Variants in PPARGC1B observed in about 807,000 individuals in gnomAD.
The protein encoded by PPARGC1B is PPARG coactivator 1 beta.
A neutral mutation model predicts 101.6 loss-of-function variants in PPARGC1B; 34 were observed. That is an observed-to-expected ratio of 0.33 (90% CI 0.25 to 0.45). The LOEUF (loss-of-function observed/expected upper bound fraction) is 0.45. Ranked by LOEUF, PPARGC1B falls within the 20% of genes least tolerant of loss-of-function variation. The probability of loss-of-function intolerance (pLI) is 1.00; values close to 1 mark genes in which losing one functional copy is unlikely to be tolerated. For synonymous variants in PPARGC1B, 548 were observed against 539.3 expected, an observed-to-expected ratio of 1.02 and a Z score of -0.22; for missense variants, 1,234 against 1,317.6, an observed-to-expected ratio of 0.94 and a Z score of 0.98.
chr5:149,764,410 T>C (rs1755830829), intron 1 of PPARGC1B, among the ~76,000 whole-genome samples: 2 of 152,084 alleles, frequency 1.3e-5, no homozygotes, highest in African/African-American at 4.8e-5. Context: ...GGAGAGTTGG[T>C]TAGAGATGTG....
chr5:149,843,785 A>G (rs955473614), intron 10 of PPARGC1B, among the ~76,000 whole-genome samples: 4 of 152,252 alleles, frequency 2.6e-5, no homozygotes, highest in African/African-American at 7.2e-5. Flanking sequence ...TATGGTTTCT[A>G]TACATAGAGT....
In PPARGC1B at chr5:149,840,187, C is replaced by T. The variant is rs370807047; in HGVS notation, c.2694+71C>T. On this transcript the variant is annotated intron_variant, in intron 9 of 11. Coordinates refer to ENST00000309241, the MANE Select transcript of PPARGC1B (RefSeq NM_133263.4). ...AGGAAGTGTGTGGGGGCTTCATGGA[C>T]CAAAGCCTTTTGAGGCTGGCTGGTG... is the stretch of plus-strand genomic sequence containing the variant. 1.5e-4 allele frequency: 215 copies of T among 1,455,498 alleles called. 1 individual carries two copies. The African/African-American group carries it at 2.6e-3, about 17-fold the overall frequency. The allele number at this position is 1,455,498 out of a possible 1,614,324, so 90.2% of individuals were successfully genotyped here. A position where few individuals can be genotyped will look rare whatever the true frequency, so the allele number is the denominator to read the frequency against.
chr5:149,757,761 G>A (rs1169431440), intron 1 of PPARGC1B, among the ~76,000 whole-genome samples: 1 of 152,326 alleles, frequency 6.6e-6, no homozygotes, highest in East Asian at 1.9e-4. Context: ...AATTGGAAAG[G>A]CGGGGCCCCT....
At chr5:149,830,695 G>T in intron 3 of PPARGC1B, 72 bp from the exon 4 acceptor site, 1 of 1,118,574 alleles carries the variant, frequency 8.9e-7, no homozygotes. Flanking sequence ...AGTCCTGAGG[G>T]GCTGGCCATG....
chr5:149,770,949 A>G (rs559825545), intron 1 of PPARGC1B, among the ~76,000 whole-genome samples: 1 of 152,308 alleles, frequency 6.6e-6, no homozygotes, highest in South Asian at 2.1e-4. Flanking sequence ...TGTGACACAA[A>G]ATTATTACAG....
intron 1 of PPARGC1B, among the ~76,000 whole-genome samples, chr5:149,744,635 A>G (rs1387781358): frequency 6.6e-6 from 1 of 152,208 alleles, no homozygotes; most frequent in Non-Finnish European, 1.5e-5. Flanking sequence ...ATTCCAAGTT[A>G]TTTATAAAGT....
At chr5:149,800,550 C>T (rs1031830654) in intron 1 of PPARGC1B, among the ~76,000 whole-genome samples, 2 of 152,226 alleles carry the variant, frequency 1.3e-5, no homozygotes, top group Admixed American at 6.5e-5. Flanking sequence ...ACTTCAATTT[C>T]CCCATGTCTT....
chr5:149,787,386 A>G (rs1282247243), intron 1 of PPARGC1B, among the ~76,000 whole-genome samples: 1 of 152,196 alleles, frequency 6.6e-6, no homozygotes, highest in Non-Finnish European at 1.5e-5. Context: ...TGGAAAGATG[A>G]TGGAAAGGAT....
intron 1 of PPARGC1B, among the ~76,000 whole-genome samples, chr5:149,809,232 CATAGATAG>C (rs780945170): frequency 1.2e-4 from 1 of 8,162 alleles, no homozygotes; most frequent in Non-Finnish European, 2.4e-4. Context: ...CCATCTCTAC[CATAGATAG>C]ATAGATAGAT....
At chr5:149,816,891 A>G (rs1052097654) in intron 1 of PPARGC1B, among the ~76,000 whole-genome samples, 3 of 152,186 alleles carry the variant, frequency 2.0e-5, no homozygotes, top group African/African-American at 4.8e-5. Flanking sequence ...GATGGCTACA[A>G]CAGCTGTTAA....
chr5:149,849,737 A>T lies in PPARGC1B; in HGVS notation c.*2179A>T, dbSNP rs980561157. ...CGTTCCATGAGAGAAAACTCCCCTA[A>T]TGCTATTCCATGGCGTAACACTCCC... On this transcript the variant is annotated 3_prime_UTR_variant, in exon 12 of 12. Coordinates refer to ENST00000309241, the MANE Select transcript of PPARGC1B (RefSeq NM_133263.4). 1 of 152,144 alleles carries T rather than the reference A, an allele frequency of 6.6e-6. No individual in the cohort carries two copies. Among genetic ancestry groups the T allele is most frequent in the Non-Finnish European group, 1.5e-5 (1 of 68,024 alleles). The allele number at this position is 152,144 out of a possible 1,614,324, so 9.4% of individuals were successfully genotyped here.
intron 11 of PPARGC1B, 121 bp downstream of exon 11, chr5:149,846,035 G>A: frequency 8.4e-7 from 1 of 1,187,932 alleles, no homozygotes. Flanking sequence ...CCACACCCCA[G>A]TGTGCTGCTT....
At position 149,826,823 on chromosome 5, in the gene PPARGC1B, C is replaced by G. The variant is rs1252623717; in HGVS notation, c.403C>G (p.Pro135Ala). The G allele has an allele frequency of 5.0e-6, 8 of 1,612,980 alleles. No homozygotes were observed. The African/African-American group carries it at 8.0e-5, about 16-fold the overall frequency. The change falls in exon 3 of 12, where the codon CCC becomes GCC. Residue 135 changes from proline to alanine, a missense_variant. Pro to Ala is a conservative substitution (Grantham distance 27, BLOSUM62 -1). This residue lies in a region of PPARGC1B where 734 missense variants were observed against 768.4 expected (regional missense o/e 0.96). Transcript: ENST00000309241. ...AGCTTCGCCTGCCCCCTCATCTGCA[C>G]CCCCCAGCCCTGCCCCGGAGAAGCC... ...TSASPAPSSA[P>A]PSPAPEKPSA...
At chr5:149,846,291 G>A in intron 11 of PPARGC1B, 1 of 435,258 alleles carries the variant, frequency 2.3e-6, no homozygotes, top group Non-Finnish European at 4.0e-6. Flanking sequence ...CAAGGCAGCA[G>A]CCACCTGGGG....
At chr5:149,778,892 A>T (rs1581043350) in intron 1 of PPARGC1B, among the ~76,000 whole-genome samples, 1 of 152,124 alleles carries the variant, frequency 6.6e-6, no homozygotes, top group African/African-American at 2.4e-5. Context: ...AGAAAAAGAG[A>T]TTATCCAGAA....
At chr5:149,752,040 T>C (rs1184193082) in intron 1 of PPARGC1B, among the ~76,000 whole-genome samples, 2 of 152,228 alleles carry the variant, frequency 1.3e-5, no homozygotes, top group African/African-American at 4.8e-5. Context: ...TAAGGCTATG[T>C]TGCTACTTCC....
Position 149,836,626 on chromosome 5 carries a change from A to C in PPARGC1B, c.2171A>C (p.Gln724Pro), listed in dbSNP as rs755130857. 1 of 1,613,850 alleles carries C rather than the reference A, an allele frequency of 6.2e-7. No homozygotes were observed. Among genetic ancestry groups the C allele is most frequent in the East Asian group, 2.2e-5 (1 of 44,872 alleles). The change falls in exon 8 of 12, where the codon CAG becomes CCG. Residue 724 changes from glutamine to proline, a missense_variant. Gln to Pro is a moderately conservative substitution (Grantham distance 76, BLOSUM62 -1). Transcript: ENST00000309241. ...PSGVHLEDWP[Q>P]QGAPWAEAQA... ...GGGGTTCACCTTGAGGACTGGCCCC[A>C]GCAGGGTGCCCCTTGGGCTGAGGCA...
intron 9 of PPARGC1B, among the ~76,000 whole-genome samples, chr5:149,840,869 G>A (rs1759305708): frequency 6.6e-6 from 1 of 152,174 alleles, no homozygotes; most frequent in Admixed American, 6.5e-5. Context: ...CAGGGAGGAG[G>A]GGCACACAGG....
chr5:149,781,204 CA>C (rs35016517), intron 1 of PPARGC1B, among the ~76,000 whole-genome samples: 7,262 of 121,506 alleles, frequency 0.06, 220 homozygotes, highest in African/African-American at 0.12. Context: ...GACTTCATCT[CA>C]AAAAAAAAAA....
Sources: gnomAD v4.1 joint callset for allele counts (sites outside exome capture counted in the v4.1 genomes callset) on GRCh38, gnomAD v4.1.1 for gene constraint, gnomAD v4.1.1 regional missense constraint, MANE v1.5 for transcripts, NCBI Gene and HGNC (gene_info 2026-07-23, HGNC 2026-07-21) for gene names.